The following VIL1 variants were observed in gnomAD, a reference collection of about 807,000 sequenced individuals.
VIL1 encodes villin-1.
VIL1 carries 86 observed loss-of-function variants against 104.0 expected under a neutral mutation model. The ratio of observed to expected loss-of-function variants is 0.83; its 90% confidence interval spans 0.69 to 0.99. VIL1 has a LOEUF of 0.99. Ranked by LOEUF, VIL1 falls within the 50% of genes least tolerant of loss-of-function variation. VIL1 has a pLI of 0.00. For synonymous variants in VIL1, 394 were observed against 412.6 expected (o/e 0.95, Z 0.55); for missense variants, 944 against 1,054.1 (o/e 0.90, Z 1.45).
At chr2:218,438,115 T>C (rs1689226198) in intron 17 of VIL1, among the ~76,000 whole-genome samples, 1 of 152,244 alleles carries the variant, frequency 6.6e-6, no homozygotes, top group Non-Finnish European at 1.5e-5. Context: ...ACTTTAGTTA[T>C]CACCTTTCCC....
rs1231101026 is a variant in VIL1 at position 218,451,775 on chromosome 2, C to T, written c.*2439C>T. On this transcript the variant is annotated 3_prime_UTR_variant, in exon 20 of 20. Transcript: ENST00000248444. ...TTAATTAACTGATCTGTAAGAACCA[C>T]TGCATATGTCTTAAAATGTAAACAT... 1 of 152,588 alleles carries T rather than the reference C, an allele frequency of 6.6e-6. No individual in the cohort carries two copies. The highest frequency in any genetic ancestry group is 1.9e-4 in the East Asian group (1 of 5,198). The allele number at this position is 152,588 out of a possible 1,614,324, so 9.5% of individuals were successfully genotyped here.
intron 19 of VIL1, among the ~76,000 whole-genome samples, chr2:218,443,827 G>A (rs768743387): frequency 7.2e-5 from 11 of 151,914 alleles, no homozygotes; most frequent in Non-Finnish European, 1.3e-4. Flanking sequence ...GCTAATTTTT[G>A]TATTTTTAGT....
intron 19 of VIL1, among the ~76,000 whole-genome samples, chr2:218,444,351 T>C (rs1006424793): frequency 6.7e-6 from 1 of 149,756 alleles, no homozygotes; most frequent in Non-Finnish European, 1.5e-5. Flanking sequence ...ACGATCTCGG[T>C]TCACTGCAAG....
chr2:218,429,125 GC>G (rs1337453074), intron 6 of VIL1, among the ~76,000 whole-genome samples, 159 bp from the exon 7 acceptor site: 20 of 152,194 alleles, frequency 1.3e-4, no homozygotes, highest in Admixed American at 1.3e-3. Context: ...TTCCTTACAT[GC>G]CTTAAAAGCT....
At chr2:218,419,927 G>A (rs1404734599) in intron 1 of VIL1, among the ~76,000 whole-genome samples, 3 of 152,236 alleles carry the variant, frequency 2.0e-5, no homozygotes, top group Non-Finnish European at 2.9e-5. Context: ...AGAGCCTTTG[G>A]GCTGGAGGGT....
chr2:218,420,463 AAAAAG>A (rs1559143930), intron 1 of VIL1, among the ~76,000 whole-genome samples: 1 of 151,350 alleles, frequency 6.6e-6, no homozygotes, highest in Non-Finnish European at 1.5e-5. Flanking sequence ...GAAAAAAAGA[AAAAAG>A]AAAGAAAGGC....
Position 218,423,996 on chromosome 2 carries a change from A to T in VIL1, c.75+143A>T, listed in dbSNP as rs1001404840. ...AGCTCAGCCCCTCACCTCCCGCATC[A>T]TCCACACCCCGGCTGGTCTCCCTTT... is the stretch of plus-strand genomic sequence containing the variant. On this transcript the variant is annotated intron_variant, in intron 2 of 19. Transcript: ENST00000248444. The T allele has an allele frequency of 7.8e-6, 7 of 896,948 alleles. No homozygotes were observed. The African/African-American group carries it at 1.2e-4, about 15-fold the overall frequency. 55.6% of individuals were successfully genotyped at this position (896,948 alleles called of 1,614,324 possible).
chr2:218,447,206 C>T (rs1219845680), intron 19 of VIL1, among the ~76,000 whole-genome samples: 2 of 152,204 alleles, frequency 1.3e-5, no homozygotes, highest in African/African-American at 4.8e-5. Context: ...GCCCTACTTC[C>T]CTTGCAGGCA....
rs745940529 is a variant in VIL1, at chr2:218,423,759, C to T, written c.-11-9C>T. 2 of 1,614,004 alleles carry T rather than the reference C, an allele frequency of 1.2e-6. No individual in the cohort carries two copies. The highest frequency in any genetic ancestry group is 2.2e-5 in the South Asian group (2 of 91,080). On this transcript the variant is annotated splice_polypyrimidine_tract_variant and intron_variant, in intron 1 of 19. Transcript: ENST00000248444. ...AGGGTGCCCCTGCTCCCAACGCCTT[C>T]TCCCCCAGGCTCACTCACCATGACC...
At position 218,444,532 on chromosome 2, in the gene VIL1, C is replaced by T. The variant is rs191434351; in HGVS notation, c.2370+3670C>T. Among the ~76,000 whole-genome samples the T allele has an allele frequency of 2.0e-5, 3 of 152,330 alleles. No homozygotes were observed. The East Asian group carries it at 5.8e-4, about 29-fold the overall frequency. On this transcript the variant is annotated intron_variant, in intron 19 of 19. Coordinates refer to ENST00000248444, the MANE Select transcript of VIL1 (RefSeq NM_007127.3). ...CGACCTTGTGATCTGCCCGCCTTGG[C>T]CTCCCAAAGTGCTGGGATTACAGGC...
At chr2:218,431,265 C>T (rs961485180) in intron 10 of VIL1, 3 of 306,166 alleles carry the variant, frequency 9.8e-6, no homozygotes, top group East Asian at 5.8e-5. Flanking sequence ...GCTGGAGAAT[C>T]GCTTGAATTC....
At position 218,431,977 on chromosome 2, in the gene VIL1, C is replaced by T. The variant is rs1428307980; in HGVS notation, c.1203+20C>T. 6.2e-7 allele frequency: 1 copy of T among 1,613,994 alleles called. No homozygotes were observed. The highest frequency in any genetic ancestry group is 1.7e-5 in the Admixed American group (1 of 59,994). On this transcript the variant is annotated intron_variant, in intron 11 of 19. Transcript: ENST00000248444. ...GTGCAGGTATGTGAGGGCAGAGAGG[C>T]CCGTGCTGGGTGGAGCAGGAATGGT... is the stretch of plus-strand genomic sequence containing the variant.
chr2:218,423,846 G>A lies in VIL1; in HGVS notation c.68G>A (p.Arg23Lys), dbSNP rs1415165800. 3 of 1,614,188 alleles carry A rather than the reference G, an allele frequency of 1.9e-6. No individual in the cohort carries two copies. The highest frequency in any genetic ancestry group is 2.5e-6 in the Non-Finnish European group (3 of 1,180,022). Residue 23 changes from arginine (R) to lysine (K), a missense_variant, in exon 2 of 20, where the codon AGG becomes AAG. By Grantham distance (26) the Arg-to-Lys change is conservative (BLOSUM62 2). Transcript: ENST00000248444. ...NITTPGLQIWRIEAMQMVPVP... is the reference protein window; with the variant it reads ...NITTPGLQIWKIEAMQMVPVP... ...ACCACCCCGGGGCTGCAGATATGGAGGATCGAGGTGAGGCCCTGTCTGGGC... is the reference window on the plus strand; with the variant it reads ...ACCACCCCGGGGCTGCAGATATGGAAGATCGAGGTGAGGCCCTGTCTGGGC...
At chr2:218,427,859 A>T in intron 4 of VIL1, 106 bp from the exon 5 acceptor site, 1 of 1,027,634 alleles carries the variant, frequency 9.7e-7, no homozygotes. Flanking sequence ...GCCTACTCCC[A>T]CCCTGGCCCT....
intron 4 of VIL1, among the ~76,000 whole-genome samples, chr2:218,427,646 T>C (rs539421301): frequency 6.6e-6 from 1 of 152,070 alleles, no homozygotes; most frequent in Non-Finnish European, 1.5e-5. Flanking sequence ...TTTCCTACTC[T>C]TAATATATCA....
chr2:218,443,741 G>A (rs6727611), intron 19 of VIL1, among the ~76,000 whole-genome samples: 6,044 of 150,968 alleles, frequency 0.04, 384 homozygotes, highest in African/African-American at 0.14. Flanking sequence ...TGCAACCTCC[G>A]CCTCCCGAGT....
intron 5 of VIL1, 50 bp from the exon 6 acceptor site, chr2:218,428,177 A>T: frequency 6.2e-7 from 1 of 1,603,354 alleles, no homozygotes; most frequent in Non-Finnish European, 8.5e-7. Flanking sequence ...AAGATGATGG[A>T]TGATAGGTGA....
chr2:218,431,137 T>A, intron 10 of VIL1: 1 of 564,376 alleles, frequency 1.8e-6, no homozygotes, highest in Non-Finnish European at 3.1e-6. Context: ...TCACCTGAGG[T>A]CAGGAGTTTG....
intron 14 of VIL1, 62 bp downstream of exon 14, chr2:218,434,767 G>T: frequency 1.3e-6 from 2 of 1,535,630 alleles, no homozygotes; most frequent in Non-Finnish European, 1.8e-6. Flanking sequence ...CCCCAGTTTC[G>T]CAGCAGCCCT....
Sources: gnomAD v4.1 joint callset for allele counts (sites outside exome capture counted in the v4.1 genomes callset) on GRCh38, gnomAD v4.1.1 for gene constraint, MANE v1.5 for transcripts, NCBI Gene and HGNC (gene_info 2026-07-23, HGNC 2026-07-21) for gene names.